The following ABCC6 variants were observed in gnomAD, a reference collection of about 807,000 sequenced individuals.
The protein encoded by ABCC6 is ATP-binding cassette sub-family C member 6.
A neutral mutation model predicts 169.5 loss-of-function variants in ABCC6; 126 were observed. The observed-to-expected ratio is 0.74, with a 90% CI of 0.64 to 0.86. The LOEUF (loss-of-function observed/expected upper bound fraction) is 0.86, where lower values mean the gene tolerates loss of function less well. ABCC6 is among the 40% of genes least tolerant of loss of function. ABCC6 has a pLI of 0.00. For missense variants in ABCC6, 1,733 were observed against 1,927.2 expected (o/e 0.90, Z 1.89); for synonymous variants, 752 against 814.7 (o/e 0.92, Z 1.31).
chr16:16,192,760 T>A (rs1438401967), intron 11 of ABCC6, 70 bp downstream of exon 11: 2 of 1,440,886 alleles, frequency 1.4e-6, no homozygotes, highest in Non-Finnish European at 1.9e-6. Flanking sequence ...CCCCTCCGCA[T>A]CTCCCACACC....
Position 16,175,918 on chromosome 16 carries a change from G to T in ABCC6, c.2659C>A (p.Arg887Ser), listed in dbSNP as rs59206042. ...TSAGRRPELRRERSIKSVPEK... is the reference protein window; with the variant it reads ...TSAGRRPELRSERSIKSVPEK... ...GCACCATGGTGGACTCACCTCTCGCGTCTAAGCTCGGGCCTCCTGCCTGCA... is the reference window on the plus strand; with the variant it reads ...GCACCATGGTGGACTCACCTCTCGCTTCTAAGCTCGGGCCTCCTGCCTGCA... The change falls in exon 20 of 31, where the codon CGC (arginine) becomes AGC (serine). Residue 887 changes from arginine (R) to serine (S), a missense_variant. Arg to Ser is a moderately radical substitution (Grantham distance 110, BLOSUM62 -1). Around this residue, in one of 5 missense-constraint regions of ABCC6, gnomAD observed 1,601 missense variants for 1,635.5 expected, o/e 0.98. Coordinates refer to ENST00000205557, the MANE Select transcript of ABCC6 (RefSeq NM_001171.6). 1.2e-6 allele frequency: 2 copies of T among 1,614,084 alleles called. No individual in the cohort carries two copies.
At chr16:16,197,918 G>T in intron 10 of ABCC6, 103 bp downstream of exon 10, 1 of 1,356,624 alleles carries the variant, frequency 7.4e-7, no homozygotes, top group Non-Finnish European at 1.0e-6. Context: ...CCAGCCTCTT[G>T]AATGCTAAGT....
chr16:16,174,375 T>C (rs2047203305), intron 20 of ABCC6, among the ~76,000 whole-genome samples: 1 of 152,210 alleles, frequency 6.6e-6, no homozygotes, highest in Non-Finnish European at 1.5e-5. Context: ...TTCTGTCTAT[T>C]AATCTTTGAC....
rs138203867 is a variant in ABCC6, at chr16:16,160,487, G to C, written c.3634-904C>G. 2.8e-4 allele frequency among the ~76,000 whole-genome samples: 42 copies of C among 151,980 alleles called. 1 individual carries two copies. In the East Asian group the frequency reaches 6.2e-3, roughly 22 times the overall value. ...ACTGCACTCCAGTCTGGGCAAAAGA[G>C]TGAGACCTTGTCTCAAAACAAAACA... On this transcript the variant is annotated intron_variant, in intron 25 of 30. Transcript: ENST00000205557.
At position 16,190,230 on chromosome 16, in the gene ABCC6, G is replaced by T. The variant is rs145764775; in HGVS notation, c.1569C>A (p.Gly523=). 4.2e-5 allele frequency: 68 copies of T among 1,613,928 alleles called. No individual in the cohort carries two copies. Among genetic ancestry groups the T allele is most frequent in the Admixed American group, 2.8e-4 (17 of 59,984 alleles). ...RVLGIRGQEL[G]ALRTSGLLFS... is the part of the protein sequence containing the mutation. ...AGAGGAGGCCGGAGGTCCGCAAGGC[G>T]CCCAGCTCCTGGCCTCGGATGCCCA... The change falls in exon 12 of 31, where the codon GGC becomes GGA. Residue 523 remains glycine (G), a synonymous_variant. Transcript: ENST00000205557.
chr16:16,215,959 G>T (rs1329297926), intron 4 of ABCC6, among the ~76,000 whole-genome samples: 1 of 151,698 alleles, frequency 6.6e-6, no homozygotes, highest in African/African-American at 2.4e-5. Flanking sequence ...TCACTCTGTT[G>T]CCCAGGCTGG....
At position 16,150,130 on chromosome 16, in the gene ABCC6, G is replaced by GT. The variant is rs2046345334; in HGVS notation, c.*2_*3insA. 6.2e-7 allele frequency: 1 copy of GT among 1,612,074 alleles called. No individual in the cohort carries two copies. Among genetic ancestry groups the GT allele is most frequent in the Non-Finnish European group, 8.5e-7 (1 of 1,179,974 alleles). On this transcript the variant is annotated 3_prime_UTR_variant, in exon 31 of 31. Coordinates refer to ENST00000205557, the MANE Select transcript of ABCC6 (RefSeq NM_001171.6). Reference sequence around the variant, plus strand: ...CAACTGGGGTACGGTTGAGGGTCCTGGCTCAGACCAGGCCTGACTCCTGGG... The same window carrying GT: ...CAACTGGGGTACGGTTGAGGGTCCTGTGCTCAGACCAGGCCTGACTCCTGGG...
At chr16:16,206,438 G>A (rs950868796) in intron 7 of ABCC6, among the ~76,000 whole-genome samples, 1 of 151,704 alleles carries the variant, frequency 6.6e-6, no homozygotes, top group Non-Finnish European at 1.5e-5. Flanking sequence ...CAGTCTGATA[G>A]CCTGAGCAAC....
chr16:16,185,557 T>G (rs1051644955), intron 14 of ABCC6, among the ~76,000 whole-genome samples: 4 of 152,166 alleles, frequency 2.6e-5, no homozygotes, highest in Admixed American at 6.5e-5. Flanking sequence ...GCAGAGGTGG[T>G]AGGATCACTT....
chr16:16,163,255 A>C, intron 23 of ABCC6, 63 bp from the exon 24 acceptor site: 1 of 1,495,032 alleles, frequency 6.7e-7, no homozygotes, highest in East Asian at 2.3e-5. Context: ...TAGTTTCCAG[A>C]AGCACAGAGA....
chr16:16,195,546 C>G (rs2152275523), intron 10 of ABCC6, among the ~76,000 whole-genome samples: 1 of 152,174 alleles, frequency 6.6e-6, no homozygotes, highest in African/African-American at 2.4e-5. Context: ...CTCCTGACCT[C>G]AAGTGTTCTG....
chr16:16,168,295 A>AGGCTGG (rs370962344), intron 22 of ABCC6, among the ~76,000 whole-genome samples: 4 of 151,612 alleles, frequency 2.6e-5, no homozygotes, highest in South Asian at 2.1e-4. Context: ...GTTTGAGACC[A>AGGCTGG]GCCTGGGCAA....
chr16:16,173,478 C>G, intron 20 of ABCC6, 74 bp from the exon 21 acceptor site: 1 of 1,586,648 alleles, frequency 6.3e-7, no homozygotes, highest in Non-Finnish European at 8.7e-7. Flanking sequence ...AACCCTCAGG[C>G]CCACTGACAG....
At chr16:16,198,374 T>C (rs2048125531) in intron 9 of ABCC6, among the ~76,000 whole-genome samples, 192 bp from the exon 10 acceptor site, 1 of 152,148 alleles carries the variant, frequency 6.6e-6, no homozygotes, top group Admixed American at 6.5e-5. Context: ...CCAAGATCCC[T>C]AAAGCACGGG....
At chr16:16,223,207 A>G in intron 1 of ABCC6, 192 bp downstream of exon 1, 1 of 625,778 alleles carries the variant, frequency 1.6e-6, no homozygotes, top group Non-Finnish European at 2.8e-6. Context: ...CCCCTTAAAT[A>G]GAGCTGGGCT....
At chr16:16,184,502 CTCT>C (rs1037389376) in intron 15 of ABCC6, among the ~76,000 whole-genome samples, 2 of 152,174 alleles carry the variant, frequency 1.3e-5, no homozygotes, top group African/African-American at 4.8e-5. Context: ...CATATTCCTT[CTCT>C]TCTTAGGGAG....
intron 17 of ABCC6, among the ~76,000 whole-genome samples, chr16:16,182,118 G>A (rs2047494268): frequency 6.6e-6 from 1 of 152,166 alleles, no homozygotes; most frequent in Admixed American, 6.5e-5. Flanking sequence ...CAGCAAGGCA[G>A]GGCAGAGTAA....
chr16:16,160,106 C>T (rs1229649091), intron 25 of ABCC6, among the ~76,000 whole-genome samples: 1 of 152,148 alleles, frequency 6.6e-6, no homozygotes, highest in Non-Finnish European at 1.5e-5. Context: ...TGCTGTTCCT[C>T]TAACACACCA....
At position 16,175,975 on chromosome 16, in the gene ABCC6, C is replaced by T. The variant is rs114349489; in HGVS notation, c.2602G>A (p.Gly868Arg). 8.8e-5 allele frequency: 142 copies of T among 1,614,126 alleles called. 3 individuals carry two copies. In the African/African-American group the frequency reaches 1.5e-3, roughly 17 times the overall value. Reference protein sequence around the residue: ...GDRGEGETEPGTSTKDPRGTS... With the variant: ...GDRGEGETEPRTSTKDPRGTS... ...CCTCTGGGGTCCTTGGTGCTGGTCC[C>T]AGGTTCTGTTTCTGCAAGGTCAAGA... Residue 868 changes from glycine (G) to arginine (R), a missense_variant, in exon 20 of 31, where the codon GGG becomes AGG. Coordinates refer to ENST00000205557, the MANE Select transcript of ABCC6 (RefSeq NM_001171.6).
Sources: gnomAD v4.1 joint callset for allele counts (sites outside exome capture counted in the v4.1 genomes callset) on GRCh38, gnomAD v4.1.1 for gene constraint, gnomAD v4.1.1 regional missense constraint, MANE v1.5 for transcripts, NCBI Gene and HGNC (gene_info 2026-07-23, HGNC 2026-07-21) for gene names.